Variants in ST6GAL1 observed in about 807,000 individuals in gnomAD.
ST6GAL1 encodes the protein ST6 beta-galactoside alpha-2,6-sialyltransferase 1, also known as beta-galactoside alpha-2,6-sialyltransferase 1.
A neutral mutation model predicts 38.0 loss-of-function variants in ST6GAL1; 20 were observed. That is an observed-to-expected ratio of 0.53 (90% CI 0.37 to 0.77). The LOEUF (loss-of-function observed/expected upper bound fraction) is 0.77, where lower values mean the gene tolerates loss of function less well. Among genes scored for constraint, ST6GAL1 ranks in the 30% least tolerant of loss-of-function variants. The pLI, the probability that ST6GAL1 is intolerant of heterozygous loss-of-function variation, is 0.00. For synonymous variants in ST6GAL1, 196 were observed against 188.2 expected (o/e 1.04, Z -0.34); for missense variants, 432 against 496.4 (o/e 0.87, Z 1.23).
rs1430993950 is a variant in ST6GAL1 at position 186,952,977 on chromosome 3, C to T, written c.-324-10808C>T. Among the ~76,000 whole-genome samples the T allele has an allele frequency of 6.6e-6, 1 of 152,212 alleles. No individual in the cohort carries two copies. The highest frequency in any genetic ancestry group is 2.1e-4 in the South Asian group (1 of 4,832). ...TTCTCTTTCTCTCATGCTGCACCCA[C>T]TCTGTTAGCAAACCATGTCAGCTGT... On this transcript the variant is annotated intron_variant, in intron 1 of 7. Coordinates refer to ENST00000169298, the MANE Select transcript of ST6GAL1 (RefSeq NM_173216.2). The surrounding 1 kb of genome is among the most constrained non-coding windows in gnomAD (Gnocchi z 4.1).
chr3:186,994,170 A>G lies in ST6GAL1; in HGVS notation c.-183+30244A>G, dbSNP rs1003362080. 1.2e-4 allele frequency among the ~76,000 whole-genome samples: 18 copies of G among 152,298 alleles called. 1 individual carries two copies. Among genetic ancestry groups the G allele is most frequent in the African/African-American group, 4.3e-4 (18 of 41,564 alleles). On this transcript the variant is annotated intron_variant, in intron 2 of 7. Transcript: ENST00000169298. The stretch of plus-strand genomic sequence containing the variant: ...CAACTTTTTTAAAGTGGAGAGATTG[A>G]GAGAGAAAGAGAGAGTAATTGAAAT...
At chr3:187,067,369 G>C (rs1278745133) in intron 5 of ST6GAL1, among the ~76,000 whole-genome samples, 1 of 148,758 alleles carries the variant, frequency 6.7e-6, no homozygotes, top group Non-Finnish European at 1.5e-5. Flanking sequence ...TTACAGGTGT[G>C]AGCCACTGCA....
chr3:186,939,529 CTT>C (rs753299406), intron 1 of ST6GAL1, among the ~76,000 whole-genome samples: 1 of 152,152 alleles, frequency 6.6e-6, no homozygotes, highest in Non-Finnish European at 1.5e-5. Context: ...TAGAAAGTGA[CTT>C]TTGAATTTCT....
chr3:187,042,240 G>C (rs369960448), intron 3 of ST6GAL1, among the ~76,000 whole-genome samples: 40 of 152,002 alleles, frequency 2.6e-4, no homozygotes, highest in African/African-American at 9.7e-4. Flanking sequence ...AGCATGCATG[G>C]CTTCATTTAA....
chr3:186,983,589 C>G (rs1715764422), intron 2 of ST6GAL1, among the ~76,000 whole-genome samples: 1 of 151,982 alleles, frequency 6.6e-6, no homozygotes, highest in Non-Finnish European at 1.5e-5. Flanking sequence ...AGATACCAAG[C>G]TTAGCAAGGT....
chr3:186,953,337 A>G lies in ST6GAL1; in HGVS notation c.-324-10448A>G, dbSNP rs576978582. Among the ~76,000 whole-genome samples, 8 of 151,982 alleles carry G rather than the reference A, an allele frequency of 5.3e-5. No homozygotes were observed. The South Asian group carries it at 1.0e-3, about 20-fold the overall frequency. Reference sequence around the variant, plus strand: ...CATTCTGCTTCACCTCACTGAGCCTACTCCTCAGATATAAAGCACACTTTG... The same window carrying G: ...CATTCTGCTTCACCTCACTGAGCCTGCTCCTCAGATATAAAGCACACTTTG... On this transcript the variant is annotated intron_variant, in intron 1 of 7. Coordinates refer to ENST00000169298, the MANE Select transcript of ST6GAL1 (RefSeq NM_173216.2).
At chr3:187,067,964 C>T (rs559460667) in intron 5 of ST6GAL1, among the ~76,000 whole-genome samples, 5 of 152,336 alleles carry the variant, frequency 3.3e-5, no homozygotes, top group Non-Finnish European at 7.3e-5. Flanking sequence ...TACTCCTATC[C>T]AGTGTTCTCT....
At chr3:187,022,289 T>G (rs1717345214) in intron 2 of ST6GAL1, among the ~76,000 whole-genome samples, 1 of 152,130 alleles carries the variant, frequency 6.6e-6, no homozygotes, top group African/African-American at 2.4e-5. Flanking sequence ...AGTCATCTTC[T>G]GTGTTGATTG....
At chr3:187,071,765 AGACTCCG>A in intron 5 of ST6GAL1, among the ~76,000 whole-genome samples, 1 of 120,994 alleles carries the variant, frequency 8.3e-6, no homozygotes, top group Non-Finnish European at 1.6e-5. Context: ...CCTTTTTTTG[AGACTCCG>A]CCTCAAAAAA....
At chr3:186,973,736 G>A (rs2108533228) in intron 2 of ST6GAL1, among the ~76,000 whole-genome samples, 1 of 152,300 alleles carries the variant, frequency 6.6e-6, no homozygotes, top group South Asian at 2.1e-4. Flanking sequence ...TCTCCTGGAG[G>A]CCCTCTTCAT....
At chr3:186,959,179 C>G (rs1456481784) in intron 1 of ST6GAL1, among the ~76,000 whole-genome samples, 1 of 152,152 alleles carries the variant, frequency 6.6e-6, no homozygotes, top group Non-Finnish European at 1.5e-5. Context: ...AAGAGCTTCC[C>G]TTTTCTGGTT....
chr3:186,966,908 G>A (rs6768458), intron 2 of ST6GAL1, among the ~76,000 whole-genome samples: 47,187 of 151,992 alleles, frequency 0.31, 9,809 homozygotes, highest in African/African-American at 0.59. Context: ...CTCTGGCTAG[G>A]GGGATTTAAT....
chr3:186,941,078 T>C (rs1714155571), intron 1 of ST6GAL1, among the ~76,000 whole-genome samples: 1 of 152,114 alleles, frequency 6.6e-6, no homozygotes, highest in Non-Finnish European at 1.5e-5. Flanking sequence ...GCATGGAAGG[T>C]TATTTTTGGA....
At chr3:186,996,460 T>A (rs1716408548) in intron 2 of ST6GAL1, 1 of 152,184 alleles carries the variant, frequency 6.6e-6, no homozygotes, top group Admixed American at 6.5e-5. Context: ...GTTTCCTGGC[T>A]AAAAATAGGA....
intron 5 of ST6GAL1, among the ~76,000 whole-genome samples, chr3:187,062,024 TA>T (rs541838264): frequency 3.8e-4 from 57 of 151,994 alleles, no homozygotes; most frequent in African/African-American, 1.3e-3. Flanking sequence ...CAAACAACAA[TA>T]AAAAAAATCA....
intron 1 of ST6GAL1, among the ~76,000 whole-genome samples, chr3:186,932,665 A>C (rs953051302): frequency 1.3e-5 from 2 of 152,228 alleles, no homozygotes; most frequent in African/African-American, 4.8e-5. Flanking sequence ...GGCTGTTGAC[A>C]TCAGCCCCAC....
intron 4 of ST6GAL1, among the ~76,000 whole-genome samples, chr3:187,045,991 G>A (rs1718282004): frequency 6.6e-6 from 1 of 152,198 alleles, no homozygotes; most frequent in African/African-American, 2.4e-5. Context: ...AACGTTGATA[G>A]TCACAATAAG....
In ST6GAL1 at chr3:187,075,642, T is replaced by C. The variant is rs1719534675; in HGVS notation, c.1060T>C (p.Tyr354His). 1.3e-5 allele frequency: 21 copies of C among 1,614,200 alleles called. No homozygotes were observed. Among genetic ancestry groups the C allele is most frequent in the Non-Finnish European group, 1.4e-5 (17 of 1,180,024 alleles). ...ATCCAAGCGCAAGACTGACGTGTGC[T>C]ACTACTACCAGAAGTTCTTCGATAG... ...LPSKRKTDVC[Y>H]YYQKFFDSAC... The change falls in exon 8 of 8, where the codon TAC becomes CAC. Residue 354 changes from tyrosine to histidine, a missense_variant. Physicochemically the swap from Tyr to His is moderately conservative, Grantham distance 83 (BLOSUM62 2). Coordinates refer to ENST00000169298, the MANE Select transcript of ST6GAL1 (RefSeq NM_173216.2). This position sits in a 1 kb window ranked among gnomAD's most constrained non-coding sequence, Gnocchi z 4.1.
At chr3:186,976,377 C>T (rs1450481963) in intron 2 of ST6GAL1, among the ~76,000 whole-genome samples, 2 of 152,152 alleles carry the variant, frequency 1.3e-5, no homozygotes, top group Non-Finnish European at 1.5e-5. Context: ...TACTGAGTGC[C>T]TACTTCTACC....
Sources: allele counts gnomAD v4.1 joint callset (sites outside exome capture counted in the v4.1 genomes callset), GRCh38; gene constraint gnomAD v4.1.1; non-coding constraint Gnocchi (gnomAD v3.1); transcripts MANE v1.5; gene names NCBI Gene and HGNC (gene_info 2026-07-23, HGNC 2026-07-21).